Variants in TMEM132B observed in about 807,000 individuals in gnomAD.
The protein encoded by TMEM132B is transmembrane protein 132B.
Under a neutral mutation model 90.8 loss-of-function variants are expected in TMEM132B, and 18 were observed. That is an observed-to-expected ratio of 0.20 (90% CI 0.14 to 0.29). The LOEUF is 0.29. Among genes scored for constraint, TMEM132B ranks in the 10% least tolerant of loss-of-function variants. The probability of loss-of-function intolerance (pLI) is 1.00; values close to 1 mark genes in which losing one functional copy is unlikely to be tolerated. For missense variants in TMEM132B, 1,096 were observed against 1,326.8 expected, an observed-to-expected ratio of 0.83 and a Z score of 2.70; for synonymous variants, 504 against 523.3, an observed-to-expected ratio of 0.96 and a Z score of 0.50.
chr12:125,527,098 CCTTCCATCCACCCATCCACA>C (rs1288131581), intron 4 of TMEM132B, among the ~76,000 whole-genome samples: 4 of 146,930 alleles, frequency 2.7e-5, no homozygotes, highest in African/African-American at 7.6e-5. Context: ...ACCCATCCAC[CCTTCCATCCACCCATCCACA>C]CTTCCATCCA....
chr12:125,367,434 T>A (rs765575957), intron 2 of TMEM132B, among the ~76,000 whole-genome samples: 2 of 152,176 alleles, frequency 1.3e-5, no homozygotes, highest in Non-Finnish European at 2.9e-5. Flanking sequence ...TTGAGACTGA[T>A]CTGCATATAC....
rs1285924150 is a variant in TMEM132B at position 125,657,315 on chromosome 12, A to G, written c.*2605A>G. On this transcript the variant is annotated 3_prime_UTR_variant, in exon 9 of 9. Transcript: ENST00000682704. ...ATAACCCACACCCAGATGTATATAAACGCATATACATACATATACCCGTGT... is the reference window on the plus strand; with the variant it reads ...ATAACCCACACCCAGATGTATATAAGCGCATATACATACATATACCCGTGT... The G allele has an allele frequency of 6.8e-6, 1 of 146,940 alleles. No individual in the cohort carries two copies. Among genetic ancestry groups the G allele is most frequent in the South Asian group, 2.3e-4 (1 of 4,414 alleles). 9.1% of individuals were successfully genotyped at this position (146,940 alleles called of 1,614,324 possible). A position where few individuals can be genotyped will look rare whatever the true frequency, so the allele number is the denominator to read the frequency against.
chr12:125,581,083 G>A (rs1337741970), intron 4 of TMEM132B, among the ~76,000 whole-genome samples: 1 of 152,148 alleles, frequency 6.6e-6, no homozygotes, highest in Non-Finnish European at 1.5e-5. Flanking sequence ...AGGAAACATG[G>A]TTGCAAAGTT....
chr12:125,489,014 T>G (rs1481263485), intron 3 of TMEM132B, among the ~76,000 whole-genome samples: 3 of 152,250 alleles, frequency 2.0e-5, no homozygotes, highest in African/African-American at 7.2e-5. Flanking sequence ...TAAGTGTATA[T>G]TTATTTATAC....
chr12:125,546,773 T>C (rs1308710872), intron 4 of TMEM132B, among the ~76,000 whole-genome samples: 1 of 152,222 alleles, frequency 6.6e-6, no homozygotes, highest in Non-Finnish European at 1.5e-5. Flanking sequence ...AAGTTTTTAT[T>C]TCTCTTGGGT....
Position 125,407,998 on chromosome 12 carries a change from C to T in TMEM132B, c.960-7533C>T, listed in dbSNP as rs1488614400. Among the ~76,000 whole-genome samples the T allele has an allele frequency of 1.3e-5, 2 of 152,218 alleles. No homozygotes were observed. Among genetic ancestry groups the T allele is most frequent in the Non-Finnish European group, 2.9e-5 (2 of 68,046 alleles). On this transcript the variant is annotated intron_variant, in intron 2 of 8. Transcript: ENST00000682704. This position sits in a 1 kb window ranked among gnomAD's most constrained non-coding sequence, Gnocchi z 6.7. ...ATGCAGAAGGAGAGACAGAGCATGG[C>T]AGGGTCCCCAGAAGCCCAGCAGGAC...
At chr12:125,443,314 A>C (rs961410487) in intron 3 of TMEM132B, among the ~76,000 whole-genome samples, 1 of 152,190 alleles carries the variant, frequency 6.6e-6, no homozygotes, top group Non-Finnish European at 1.5e-5. Context: ...GGCCAGTTGT[A>C]ATTTTCAGGT....
chr12:125,363,478 G>A lies in TMEM132B; in HGVS notation c.959+13135G>A, dbSNP rs143256316. On this transcript the variant is annotated intron_variant, in intron 2 of 8. Coordinates refer to ENST00000682704, the MANE Select transcript of TMEM132B (RefSeq NM_001366854.1). ...CAAGCAGTGTGGGGTCTGCCTCCCC[G>A]TTGGAAATTTAACCCTATGAGATAG... is the stretch of plus-strand genomic sequence containing the variant. Among the ~76,000 whole-genome samples, 677 of 152,248 alleles carry A rather than the reference G, an allele frequency of 4.4e-3. 6 individuals carry two copies. Among genetic ancestry groups the A allele is most frequent in the African/African-American group, 0.014 (580 of 41,550 alleles).
intron 3 of TMEM132B, among the ~76,000 whole-genome samples, chr12:125,491,628 C>T (rs971727386): frequency 6.6e-6 from 1 of 152,240 alleles, no homozygotes; most frequent in Admixed American, 6.5e-5. Context: ...GATATGGCTT[C>T]CTGTACACCA....
chr12:125,623,286 C>T (rs1325783396), intron 5 of TMEM132B, among the ~76,000 whole-genome samples: 3 of 152,254 alleles, frequency 2.0e-5, no homozygotes, highest in South Asian at 4.1e-4. Flanking sequence ...TAAACATATG[C>T]TAAACTTTGT....
intron 1 of TMEM132B, among the ~76,000 whole-genome samples, chr12:125,238,311 C>T (rs550490007): frequency 1.7e-4 from 25 of 148,354 alleles, no homozygotes; most frequent in African/African-American, 6.0e-4. Context: ...CGAGATCGCA[C>T]CACTGCACTC....
At chr12:125,472,942 C>T (rs1409915894) in intron 3 of TMEM132B, among the ~76,000 whole-genome samples, 1 of 152,186 alleles carries the variant, frequency 6.6e-6, no homozygotes. Flanking sequence ...TTTTCAGTTC[C>T]ACGTGTGAGC....
chr12:125,282,812 T>C (rs1212257264), intron 1 of TMEM132B, among the ~76,000 whole-genome samples: 1 of 152,132 alleles, frequency 6.6e-6, no homozygotes, highest in Non-Finnish European at 1.5e-5. Context: ...CCTGGTGCAT[T>C]CTGAGCTCTG....
chr12:125,560,762 T>G (rs534559931), intron 4 of TMEM132B, among the ~76,000 whole-genome samples: 2 of 139,640 alleles, frequency 1.4e-5, no homozygotes, highest in African/African-American at 5.5e-5. Flanking sequence ...GAAGCGGAGC[T>G]TGCAGTGAGC....
chr12:125,218,130 C>T (rs4505117), intron 1 of TMEM132B, among the ~76,000 whole-genome samples: 142,937 of 152,168 alleles, frequency 0.94, 67,173 homozygotes, highest in East Asian at 1. Context: ...ATAGGTGGAG[C>T]AACACCCTAA....
chr12:125,397,789 G>C (rs1879209750), intron 2 of TMEM132B, among the ~76,000 whole-genome samples: 1 of 152,204 alleles, frequency 6.6e-6, no homozygotes, highest in African/African-American at 2.4e-5. Flanking sequence ...AGGAACCAAT[G>C]CTTGGGGCAC....
Position 125,414,132 on chromosome 12 carries a change from T to C in TMEM132B, c.960-1399T>C, listed in dbSNP as rs74556609. Among the ~76,000 whole-genome samples the C allele has an allele frequency of 9.8e-4, 150 of 152,364 alleles. 2 individuals are homozygous for C. In the East Asian group the frequency reaches 0.023, roughly 24 times the overall value. ...TTTTCATGTGTTTATTGGCCACTTA[T>C]ATAACTCTGGAGAAATGTCTAGTCA... On this transcript the variant is annotated intron_variant, in intron 2 of 8. Transcript: ENST00000682704.
chr12:125,299,931 C>T (rs1286986712), intron 1 of TMEM132B, among the ~76,000 whole-genome samples: 1 of 152,252 alleles, frequency 6.6e-6, no homozygotes, highest in Non-Finnish European at 1.5e-5. Context: ...GCTCTCAACT[C>T]CCTGCTGGCT....
intron 1 of TMEM132B, among the ~76,000 whole-genome samples, chr12:125,347,001 T>C (rs568973503): frequency 6.6e-6 from 1 of 150,760 alleles, no homozygotes. Context: ...GTGTTGCTGT[T>C]ATAAATCATG....
Sources: allele counts gnomAD v4.1 joint callset (sites outside exome capture counted in the v4.1 genomes callset), GRCh38; gene constraint gnomAD v4.1.1; non-coding constraint Gnocchi (gnomAD v3.1); transcripts MANE v1.5; gene names NCBI Gene and HGNC (gene_info 2026-07-23, HGNC 2026-07-21).